CSMD1: variants seen among roughly 807,000 people sequenced by gnomAD.
CSMD1 encodes CUB and sushi domain-containing protein 1.
CSMD1 carries 213 observed loss-of-function variants against 417.5 expected under a neutral mutation model. The observed-to-expected ratio is 0.51, with a 90% CI of 0.46 to 0.57. The LOEUF (loss-of-function observed/expected upper bound fraction) is 0.57, where lower values mean the gene tolerates loss of function less well. Among genes scored for constraint, CSMD1 ranks in the 20% least tolerant of loss-of-function variants. CSMD1 has a pLI of 0.00. For missense variants in CSMD1, 6,923 were observed against 4,529.7 expected (o/e 1.53, Z -15.17); for synonymous variants, 2,862 against 1,736.8 (o/e 1.65, Z -16.11).
intron 1 of CSMD1, among the ~76,000 whole-genome samples, chr8:4,893,849 G>A (rs140255214): frequency 1.3e-5 from 2 of 152,152 alleles, no homozygotes; most frequent in East Asian, 1.9e-4. Flanking sequence ...GCATACAGTT[G>A]TTCTTACCCC....
intron 5 of CSMD1, among the ~76,000 whole-genome samples, chr8:3,947,389 T>C (rs572395015): frequency 2.0e-5 from 3 of 152,208 alleles, no homozygotes; most frequent in Non-Finnish European, 4.4e-5. Context: ...CCAGTGGTCA[T>C]GACGTGCTAT....
chr8:3,444,273 G>C (rs542142591), intron 12 of CSMD1, among the ~76,000 whole-genome samples: 1 of 152,284 alleles, frequency 6.6e-6, no homozygotes, highest in East Asian at 1.9e-4. Context: ...AATTTGGAAT[G>C]GTTTATCCCA....
At chr8:4,486,681 T>G (rs1563224669) in intron 2 of CSMD1, among the ~76,000 whole-genome samples, 1 of 152,058 alleles carries the variant, frequency 6.6e-6, no homozygotes, top group African/African-American at 2.4e-5. Flanking sequence ...TTGGCCACTT[T>G]GAATTAAGCA....
chr8:4,101,093 A>C (rs956466423), intron 3 of CSMD1, among the ~76,000 whole-genome samples: 1 of 152,180 alleles, frequency 6.6e-6, no homozygotes, highest in African/African-American at 2.4e-5. Flanking sequence ...AGAACTATGC[A>C]TCTACCGGTT....
intron 1 of CSMD1, among the ~76,000 whole-genome samples, chr8:4,831,956 G>C (rs2117446785): frequency 6.6e-6 from 1 of 152,228 alleles, no homozygotes; most frequent in South Asian, 2.1e-4. Context: ...ATTTTTGTCT[G>C]GGAGAAAAAG....
chr8:4,659,710 C>T (rs1010837513), intron 1 of CSMD1, among the ~76,000 whole-genome samples: 2 of 152,088 alleles, frequency 1.3e-5, no homozygotes, highest in Non-Finnish European at 2.9e-5. Context: ...GTTTCTCATA[C>T]AGATGGAGGT....
rs190377002 is a variant in CSMD1, at chr8:3,147,159, G to C, written c.6031+4238C>G. On this transcript the variant is annotated intron_variant, in intron 40 of 69. Transcript: ENST00000635120. The stretch of plus-strand genomic sequence containing the variant: ...CAGATATGTATGTTCAGATACTAGA[G>C]ATACAATCTGAAGCCTAGAAATTAC... 9.9e-5 allele frequency among the ~76,000 whole-genome samples: 15 copies of C among 152,258 alleles called. No individual in the cohort carries two copies. The East Asian group carries it at 1.9e-3, about 20-fold the overall frequency.
At chr8:4,100,591 A>C (rs541572849) in intron 3 of CSMD1, among the ~76,000 whole-genome samples, 43 of 152,320 alleles carry the variant, frequency 2.8e-4, no homozygotes, top group African/African-American at 1.0e-3. Context: ...GGGAGGTGGT[A>C]AGAGCTCAAA....
rs547185600 is a variant in CSMD1, at chr8:4,713,779, C to T, written c.86-76221G>A. Among the ~76,000 whole-genome samples the T allele has an allele frequency of 3.3e-4, 50 of 152,274 alleles. No homozygotes were observed. In the South Asian group the frequency reaches 0.01, roughly 32 times the overall value. On this transcript the variant is annotated intron_variant, in intron 1 of 69. Transcript: ENST00000635120. ...ACAGGTAAGTTCTGAGAAGCTTGGGCTGGAGATCATTCTAGGAGGGTGTCA... is the reference window on the plus strand; with the variant it reads ...ACAGGTAAGTTCTGAGAAGCTTGGGTTGGAGATCATTCTAGGAGGGTGTCA...
Position 3,648,150 on chromosome 8 carries a change from G to C in CSMD1, c.1010-31353C>G, listed in dbSNP as rs992478300. 2.0e-5 allele frequency among the ~76,000 whole-genome samples: 3 copies of C among 152,294 alleles called. No homozygotes were observed. The East Asian group carries it at 5.8e-4, about 29-fold the overall frequency. On this transcript the variant is annotated intron_variant, in intron 7 of 69. Transcript: ENST00000635120. ...CCACTTTACTATGGCCCCAGATTAA[G>C]TTAGATACTTCTCTACCATATCTTA... is the stretch of plus-strand genomic sequence containing the variant.
chr8:4,129,794 G>T (rs893829332), intron 3 of CSMD1, among the ~76,000 whole-genome samples: 1 of 151,990 alleles, frequency 6.6e-6, no homozygotes, highest in African/African-American at 2.4e-5. Flanking sequence ...TTCTCCATTT[G>T]TTACTCCAAC....
intron 3 of CSMD1, among the ~76,000 whole-genome samples, chr8:4,032,329 T>G (rs554694597): frequency 4.6e-5 from 7 of 152,336 alleles, no homozygotes; most frequent in Middle Eastern, 3.4e-3. Context: ...ATGCATTTTG[T>G]TAAGAGAGAA....
chr8:3,265,877 G>A (rs950239454), intron 26 of CSMD1, among the ~76,000 whole-genome samples: 3 of 152,072 alleles, frequency 2.0e-5, no homozygotes, highest in South Asian at 4.2e-4. Flanking sequence ...AAAGCGGACT[G>A]AGATCAGCTT....
At chr8:4,056,114 C>A (rs1585219057) in intron 3 of CSMD1, among the ~76,000 whole-genome samples, 2 of 129,940 alleles carry the variant, frequency 1.5e-5, no homozygotes, top group East Asian at 5.3e-4. Flanking sequence ...CAGAGTCTCA[C>A]TTTGTCACCC....
At chr8:4,548,960 C>T (rs1008362024) in intron 2 of CSMD1, among the ~76,000 whole-genome samples, 1 of 152,148 alleles carries the variant, frequency 6.6e-6, no homozygotes, top group African/African-American at 2.4e-5. Flanking sequence ...GTTAATTTTG[C>T]ATAAAGTTTT....
intron 2 of CSMD1, among the ~76,000 whole-genome samples, chr8:4,558,744 T>C (rs1469813486): frequency 2.0e-5 from 3 of 152,138 alleles, no homozygotes; most frequent in Non-Finnish European, 2.9e-5. Flanking sequence ...TGGTGGCGCC[T>C]GTAATCCCAG....
rs992514264 is a variant in CSMD1, at chr8:3,289,453, G to T, written c.3951-5107C>A. On this transcript the variant is annotated intron_variant, in intron 25 of 69. Transcript: ENST00000635120. The stretch of plus-strand genomic sequence containing the variant: ...TTACAGTCCCACCAACAGTGTAAAA[G>T]TGTTCCTATTTCTCCATATCCTCTC... Among the ~76,000 whole-genome samples, 7 of 147,488 alleles carry T rather than the reference G, an allele frequency of 4.7e-5. 2 individuals carry two copies. The highest frequency in any genetic ancestry group is 1.9e-4 in the African/African-American group (7 of 37,130).
chr8:3,045,495 G>A (rs1422502734), intron 50 of CSMD1, among the ~76,000 whole-genome samples: 1 of 152,152 alleles, frequency 6.6e-6, no homozygotes, highest in Non-Finnish European at 1.5e-5. Context: ...TGAACTGCAA[G>A]AGACCCCTTA....
At chr8:3,820,646 G>A (rs1030441758) in intron 5 of CSMD1, among the ~76,000 whole-genome samples, 1 of 152,176 alleles carries the variant, frequency 6.6e-6, no homozygotes, top group African/African-American at 2.4e-5. Context: ...CGTAATCTCG[G>A]CTCAGTGCAA....
Sources: gnomAD v4.1 joint callset for allele counts (sites outside exome capture counted in the v4.1 genomes callset) on GRCh38, gnomAD v4.1.1 for gene constraint, MANE v1.5 for transcripts, NCBI Gene and HGNC (gene_info 2026-07-23, HGNC 2026-07-21) for gene names.